SLC9C1: variants seen among roughly 807,000 people sequenced by gnomAD.
The protein encoded by SLC9C1 is solute carrier family 9 member C1, also known as sodium/hydrogen exchanger 10.
A neutral mutation model predicts 140.9 loss-of-function variants in SLC9C1; 97 were observed. The ratio of observed to expected loss-of-function variants is 0.69; its 90% CI spans 0.58 to 0.82. The LOEUF is 0.82. Among genes scored for constraint, SLC9C1 ranks in the 40% least tolerant of loss-of-function variants. The pLI, the probability that SLC9C1 is intolerant of heterozygous loss-of-function variation, is 0.00. For missense variants in SLC9C1, 1,340 were observed against 1,389.3 expected (o/e 0.96, Z 0.56); for synonymous variants, 440 against 442.6 (o/e 0.99, Z 0.07).
chr3:112,246,405 T>C (rs544768298), intron 10 of SLC9C1, among the ~76,000 whole-genome samples: 1 of 152,302 alleles, frequency 6.6e-6, no homozygotes, highest in South Asian at 2.1e-4. Context: ...GACTTCTTGA[T>C]AAAATGTACT....
rs759569049 is a variant in SLC9C1, at chr3:112,151,923, G to A, written c.3458C>T (p.Pro1153Leu). Reference sequence around the variant, plus strand: ...GAACTTTGTCCCCAGCAGGGAGCAAGGCTGGGGACTCCTGGCAGTGGCGGC... The same window carrying A: ...GAACTTTGTCCCCAGCAGGGAGCAAAGCTGGGGACTCCTGGCAGTGGCGGC... Reference protein sequence around the residue: ...HSAATARSPQPCSLLGTKFNC... With the variant: ...HSAATARSPQLCSLLGTKFNC... Residue 1153 changes from proline to leucine, a missense_variant, in exon 28 of 29, where the codon CCT becomes CTT. By Grantham distance (98) the Pro-to-Leu change is moderately conservative. Coordinates refer to ENST00000305815, the MANE Select transcript of SLC9C1 (RefSeq NM_183061.3). The A allele has an allele frequency of 4.4e-6, 7 of 1,605,806 alleles. No homozygotes were observed. The highest frequency in any genetic ancestry group is 5.9e-6 in the Non-Finnish European group (7 of 1,177,868).
chr3:112,274,866 G>A (rs2080170536), intron 6 of SLC9C1, 31 bp downstream of exon 6: 1 of 1,485,926 alleles, frequency 6.7e-7, no homozygotes, highest in East Asian at 2.4e-5. Context: ...GGATTCTGAT[G>A]TTGAGAAAAA....
intron 7 of SLC9C1, among the ~76,000 whole-genome samples, chr3:112,268,081 T>C (rs2079973501): frequency 6.6e-6 from 1 of 152,222 alleles, no homozygotes; most frequent in Non-Finnish European, 1.5e-5. Flanking sequence ...AATTATTTCC[T>C]TAAGTATAAC....
At chr3:112,181,532 G>A (rs1423656450) in intron 21 of SLC9C1, among the ~76,000 whole-genome samples, 2 of 152,186 alleles carry the variant, frequency 1.3e-5, no homozygotes, top group African/African-American at 4.8e-5. Flanking sequence ...ATTATGCAAA[G>A]TGCTAGGGGC....
chr3:112,208,181 A>G lies in SLC9C1; in HGVS notation c.1983T>C (p.Leu661=). The part of the protein sequence containing the change: ...FLTLYILEAL[L]KIAAMRKDFF... The stretch of plus-strand genomic sequence containing the variant: ...ACACACATAAATTTTAGATTACCTT[A>G]AGTAGTGCCTCTAGAATATAAAGTG... The change falls in exon 16 of 29, where the codon CTT becomes CTC. Residue 661 remains leucine (L), a synonymous_variant. Coordinates refer to ENST00000305815, the MANE Select transcript of SLC9C1 (RefSeq NM_183061.3). 1 of 1,599,306 alleles carries G rather than the reference A, an allele frequency of 6.3e-7. No individual in the cohort carries two copies. Among genetic ancestry groups the G allele is most frequent in the Middle Eastern group, 1.7e-4 (1 of 6,004 alleles).
chr3:112,244,292 A>C (rs2079218562), intron 10 of SLC9C1, among the ~76,000 whole-genome samples: 1 of 152,176 alleles, frequency 6.6e-6, no homozygotes, highest in Non-Finnish European at 1.5e-5. Flanking sequence ...TTTGTTACCA[A>C]ACCGAAATTA....
At chr3:112,202,117 G>C (rs2077920534) in intron 18 of SLC9C1, 133 bp downstream of exon 18, 1 of 1,009,214 alleles carries the variant, frequency 9.9e-7, no homozygotes, top group Non-Finnish European at 1.5e-6. Flanking sequence ...ATGTAACCTA[G>C]TTTAAGTTTT....
chr3:112,280,647 A>G, intron 3 of SLC9C1, 36 bp downstream of exon 3: 2 of 1,525,106 alleles, frequency 1.3e-6, no homozygotes, highest in African/African-American at 2.8e-5. Context: ...ATAATTCTCA[A>G]ATAAATAGTG....
At chr3:112,192,783 C>G (rs887185594) in intron 20 of SLC9C1, among the ~76,000 whole-genome samples, 1 of 152,060 alleles carries the variant, frequency 6.6e-6, no homozygotes, top group African/African-American at 2.4e-5. Context: ...TCTGTATTCT[C>G]TTGTATCCTA....
chr3:112,287,181 A>T (rs896961777), intron 1 of SLC9C1, among the ~76,000 whole-genome samples: 1 of 152,184 alleles, frequency 6.6e-6, no homozygotes, highest in Non-Finnish European at 1.5e-5. Flanking sequence ...CACACTCACC[A>T]ATGTGGTCAT....
intron 23 of SLC9C1, among the ~76,000 whole-genome samples, chr3:112,178,137 A>AT (rs113311369): frequency 0.064 from 9,100 of 143,190 alleles, 325 homozygotes; most frequent in South Asian, 0.1. Flanking sequence ...ACCACTACAT[A>AT]TTTTTTTTTT....
chr3:112,239,690 C>G, intron 12 of SLC9C1, 150 bp downstream of exon 12: 1 of 738,754 alleles, frequency 1.4e-6, no homozygotes, highest in Non-Finnish European at 2.1e-6. Context: ...CTTAACACTC[C>G]CCCTTACTAC....
At chr3:112,238,555 TTTCTG>T (rs2108209060) in intron 12 of SLC9C1, among the ~76,000 whole-genome samples, 1 of 152,314 alleles carries the variant, frequency 6.6e-6, no homozygotes, top group Non-Finnish European at 1.5e-5. Flanking sequence ...ATTTTCAGTT[TTTCTG>T]TTCTGTTTTT....
intron 27 of SLC9C1, among the ~76,000 whole-genome samples, chr3:112,153,487 T>C (rs2075042105): frequency 6.6e-6 from 1 of 152,214 alleles, no homozygotes; most frequent in Non-Finnish European, 1.5e-5. Context: ...CAGGAGCAGC[T>C]GTGTTTGGAA....
intron 28 of SLC9C1, among the ~76,000 whole-genome samples, chr3:112,147,787 G>T (rs927657517): frequency 6.6e-6 from 1 of 152,070 alleles, no homozygotes; most frequent in Non-Finnish European, 1.5e-5. Context: ...TTGTCTCTAG[G>T]TTTTTGTATC....
chr3:112,211,761 G>A (rs1576351815), intron 15 of SLC9C1, among the ~76,000 whole-genome samples: 1 of 152,328 alleles, frequency 6.6e-6, no homozygotes, highest in African/African-American at 2.4e-5. Flanking sequence ...GCCTTCCTCT[G>A]TAGACTCCAC....
chr3:112,259,605 C>A (rs1007261243), intron 10 of SLC9C1, among the ~76,000 whole-genome samples: 2 of 151,956 alleles, frequency 1.3e-5, no homozygotes, highest in Non-Finnish European at 2.9e-5. Context: ...AAGAAAACAA[C>A]AGACACTGGG....
In SLC9C1 at chr3:112,179,677, C is replaced by T. The variant is rs2077402835; in HGVS notation, c.2773G>A (p.Gly925Arg). Reference protein sequence around the residue: ...VKLEKSKPGLGIDQMVESKEK... With the variant: ...VKLEKSKPGLRIDQMVESKEK... ...TTTGACTCCACCATTTGATCAATCC[C>T]TAAACCTGGCTTTGATTTTTCAAGC... is the stretch of plus-strand genomic sequence containing the variant. Residue 925 changes from glycine (G) to arginine (R), a missense_variant, in exon 23 of 29, where the codon GGG (glycine) becomes AGG (arginine). Physicochemically the swap from Gly to Arg is moderately radical, Grantham distance 125 (BLOSUM62 -2). Coordinates refer to ENST00000305815, the MANE Select transcript of SLC9C1 (RefSeq NM_183061.3). 2 of 1,604,082 alleles carry T rather than the reference C, an allele frequency of 1.2e-6. No individual in the cohort carries two copies. The highest frequency in any genetic ancestry group is 3.3e-4 in the Middle Eastern group (2 of 6,024).
chr3:112,208,431 A>C, intron 15 of SLC9C1, 58 bp from the exon 16 acceptor site: 1 of 1,206,640 alleles, frequency 8.3e-7, no homozygotes, highest in South Asian at 1.6e-5. Context: ...TGATTTTCAT[A>C]TATACTCATT....
Sources: gnomAD v4.1 joint callset for allele counts (sites outside exome capture counted in the v4.1 genomes callset) on GRCh38, gnomAD v4.1.1 for gene constraint, MANE v1.5 for transcripts, NCBI Gene and HGNC (gene_info 2026-07-23, HGNC 2026-07-21) for gene names.